RGS9: variants seen among roughly 807,000 people sequenced by gnomAD.
RGS9 encodes the protein regulator of G-protein signalling 9.
RGS9 carries 78 observed loss-of-function variants against 102.0 expected under a neutral mutation model. That is an observed-to-expected ratio of 0.76 (90% confidence interval 0.64 to 0.92). The LOEUF is 0.92. RGS9 is among the 40% of genes least tolerant of loss of function. RGS9 has a pLI of 0.00. For synonymous variants in RGS9, 353 were observed against 318.6 expected (o/e 1.11, Z -1.15); for missense variants, 833 against 866.1 (o/e 0.96, Z 0.48).
chr17:65,147,443 C>T (rs1338511869), intron 1 of RGS9, among the ~76,000 whole-genome samples: 1 of 152,078 alleles, frequency 6.6e-6, no homozygotes, highest in Non-Finnish European at 1.5e-5. Context: ...AGGTCATGGT[C>T]CCACGCTCCT....
intron 16 of RGS9, among the ~76,000 whole-genome samples, chr17:65,210,285 G>A (rs1339083774): frequency 6.6e-6 from 1 of 152,150 alleles, no homozygotes; most frequent in Non-Finnish European, 1.5e-5. Context: ...AAATCTGATG[G>A]CAGTTGGTAC....
intron 11 of RGS9, among the ~76,000 whole-genome samples, chr17:65,192,316 A>G (rs1912399387): frequency 6.6e-6 from 1 of 152,198 alleles, no homozygotes; most frequent in Admixed American, 6.5e-5. Flanking sequence ...AGTATTTGTT[A>G]AAGGATAAAA....
intron 12 of RGS9, among the ~76,000 whole-genome samples, chr17:65,196,172 T>C (rs745463725): frequency 6.6e-6 from 1 of 152,272 alleles, no homozygotes; most frequent in Non-Finnish European, 1.5e-5. Flanking sequence ...GATTCGATGG[T>C]ATGTGTGTAA....
intron 1 of RGS9, among the ~76,000 whole-genome samples, chr17:65,146,482 G>T (rs1163767672): frequency 6.6e-6 from 1 of 151,794 alleles, no homozygotes; most frequent in Non-Finnish European, 1.5e-5. Context: ...CAGCTACTTG[G>T]GAGGCTGAGG....
chr17:65,193,903 T>C (rs1023153223), intron 12 of RGS9, among the ~76,000 whole-genome samples: 1 of 151,990 alleles, frequency 6.6e-6, no homozygotes, highest in Non-Finnish European at 1.5e-5. Context: ...ATCAATGGCA[T>C]CACTTGGAAT....
chr17:65,210,261 T>C (rs1913239869), intron 16 of RGS9, among the ~76,000 whole-genome samples: 1 of 152,208 alleles, frequency 6.6e-6, no homozygotes, highest in South Asian at 2.1e-4. Flanking sequence ...AGGGTCTTCC[T>C]TGTGCCTGAC....
At chr17:65,169,063 T>C (rs1911308494) in intron 8 of RGS9, among the ~76,000 whole-genome samples, 1 of 152,206 alleles carries the variant, frequency 6.6e-6, no homozygotes, top group Admixed American at 6.5e-5. Flanking sequence ...GAAATGTTCT[T>C]CCTCCTCTTC....
At chr17:65,151,229 C>G (rs1041849454) in intron 1 of RGS9, among the ~76,000 whole-genome samples, 4 of 151,934 alleles carry the variant, frequency 2.6e-5, no homozygotes, top group Non-Finnish European at 5.9e-5. Flanking sequence ...TCTGTAATCC[C>G]AGCTACTCGG....
chr17:65,193,482 G>A (rs549733593), intron 11 of RGS9, 61 bp from the exon 12 acceptor site: 159 of 998,494 alleles, frequency 1.6e-4, no homozygotes, highest in Middle Eastern at 1.0e-3. Flanking sequence ...GTTGACCTGT[G>A]TATTGATGTC....
intron 14 of RGS9, among the ~76,000 whole-genome samples, chr17:65,202,750 C>T (rs1475413150): frequency 1.3e-5 from 2 of 152,098 alleles, no homozygotes. Flanking sequence ...TTTTCAATGG[C>T]CAGGTGGAGA....
At chr17:65,202,756 G>A (rs1350408272) in intron 14 of RGS9, among the ~76,000 whole-genome samples, 1 of 152,152 alleles carries the variant, frequency 6.6e-6, no homozygotes, top group African/African-American at 2.4e-5. Flanking sequence ...ATGGCCAGGT[G>A]GAGAGGGAGG....
intron 1 of RGS9, among the ~76,000 whole-genome samples, chr17:65,148,190 C>A (rs1190244969): frequency 6.6e-6 from 1 of 152,204 alleles, no homozygotes; most frequent in Non-Finnish European, 1.5e-5. Context: ...TGTGACCGGC[C>A]TATTTCACTT....
chr17:65,179,199 G>A (rs1200785861), intron 9 of RGS9, among the ~76,000 whole-genome samples: 1 of 152,054 alleles, frequency 6.6e-6, no homozygotes, highest in African/African-American at 2.4e-5. Flanking sequence ...AAGTGGGAGG[G>A]GAAAGAAAAA....
rs947021735 is a variant in RGS9, at chr17:65,207,917, A to T, written c.1204-5A>T. 1.9e-6 allele frequency: 3 copies of T among 1,604,702 alleles called. No homozygotes were observed. Among genetic ancestry groups the T allele is most frequent in the Non-Finnish European group, 2.6e-6 (3 of 1,171,942 alleles). On this transcript the variant is annotated splice_region_variant and splice_polypyrimidine_tract_variant and intron_variant, in intron 15 of 18. Transcript: ENST00000262406. ...TAATTACTGTTGTTTTCTTGTTCCC[A>T]CTAGGATTCTTATGCTCGCTATTTA... is the stretch of plus-strand genomic sequence containing the variant.
chr17:65,171,340 T>C (rs1911413342), intron 8 of RGS9, among the ~76,000 whole-genome samples: 1 of 152,186 alleles, frequency 6.6e-6, no homozygotes, highest in African/African-American at 2.4e-5. Flanking sequence ...GATGCTATGA[T>C]GTAGGGAATA....
intron 9 of RGS9, among the ~76,000 whole-genome samples, chr17:65,179,018 C>T (rs1170556636): frequency 6.6e-6 from 1 of 152,194 alleles, no homozygotes; most frequent in East Asian, 1.9e-4. Context: ...TCCAATGAAC[C>T]ATCCTAGACC....
intron 1 of RGS9, among the ~76,000 whole-genome samples, chr17:65,140,334 A>C (rs1049013537): frequency 6.6e-6 from 1 of 152,196 alleles, no homozygotes; most frequent in African/African-American, 2.4e-5. Flanking sequence ...CCAGGCAGAA[A>C]GGGAAAGATG....
At chr17:65,155,296 T>C (rs771461673) in intron 2 of RGS9, among the ~76,000 whole-genome samples, 1 of 152,252 alleles carries the variant, frequency 6.6e-6, no homozygotes, top group Non-Finnish European at 1.5e-5. Context: ...TCATTAATTT[T>C]GGCCTGAATT....
At chr17:65,206,469 G>A (rs1567888962) in intron 15 of RGS9, among the ~76,000 whole-genome samples, 1 of 152,120 alleles carries the variant, frequency 6.6e-6, no homozygotes, top group Non-Finnish European at 1.5e-5. Flanking sequence ...CACGAGGTCG[G>A]GAGTTTGAGA....
Sources: gnomAD v4.1 joint callset for allele counts (sites outside exome capture counted in the v4.1 genomes callset) on GRCh38, gnomAD v4.1.1 for gene constraint, MANE v1.5 for transcripts, NCBI Gene and HGNC (gene_info 2026-07-23, HGNC 2026-07-21) for gene names.